The following GBE1 variants were observed in gnomAD, a reference collection of about 807,000 sequenced individuals.
The protein encoded by GBE1 is 1,4-alpha-glucan-branching enzyme.
A neutral mutation model predicts 88.8 loss-of-function variants in GBE1; 70 were observed. The observed-to-expected ratio is 0.79, with a 90% CI of 0.65 to 0.96. GBE1 has a LOEUF of 0.96. GBE1 is among the 40% of genes least tolerant of loss of function. The pLI is 0.00. For synonymous variants in GBE1, 284 were observed against 300.1 expected, an observed-to-expected ratio of 0.95 and a Z score of 0.56; for missense variants, 872 against 871.0, an observed-to-expected ratio of 1.00 and a Z score of -0.01.
intron 3 of GBE1, among the ~76,000 whole-genome samples, chr3:81,657,134 C>CAAAAAAAAAAAAAA (rs796897811): frequency 1.2e-5 from 1 of 81,850 alleles, no homozygotes; most frequent in African/African-American, 4.1e-5. Flanking sequence ...CCAGCCGTCT[C>CAAAAAAAAAAAAAA]AAAAAAAAAA....
chr3:81,711,209 C>T (rs1304356388), intron 1 of GBE1, among the ~76,000 whole-genome samples: 1 of 152,086 alleles, frequency 6.6e-6, no homozygotes, highest in African/African-American at 2.4e-5. Context: ...TCTGAGCAGG[C>T]CAGAAACCCA....
intron 2 of GBE1, among the ~76,000 whole-genome samples, chr3:81,686,292 A>T (rs1370859227): frequency 6.6e-6 from 1 of 152,146 alleles, no homozygotes; most frequent in Non-Finnish European, 1.5e-5. Flanking sequence ...ATCTACTACA[A>T]CATCTACTAC....
chr3:81,581,265 T>C lies in GBE1; in HGVS notation c.1346A>G (p.Glu449Gly). The C allele has an allele frequency of 1.9e-6, 3 of 1,567,812 alleles. No individual in the cohort carries two copies. Among genetic ancestry groups the C allele is most frequent in the Non-Finnish European group, 2.6e-6 (3 of 1,153,782 alleles). The change falls in exon 11 of 16, where the codon GAG becomes GGG. Residue 449 changes from glutamate (E) to glycine (G), a missense_variant. Glu to Gly is a moderately conservative substitution (Grantham distance 98, BLOSUM62 -2). Coordinates refer to ENST00000429644, the MANE Select transcript of GBE1 (RefSeq NM_000158.4). ...CATGTTCCAGTCTTCATCTTTAAAC[T>C]CTTTAAGTAGCTAGACACAAGAGAG... is the stretch of plus-strand genomic sequence containing the variant. ...IPDKWIQLLKEFKDEDWNMGD... is the reference protein window; with the variant it reads ...IPDKWIQLLKGFKDEDWNMGD...
At chr3:81,682,904 T>C (rs185851919) in intron 2 of GBE1, among the ~76,000 whole-genome samples, 1 of 152,336 alleles carries the variant, frequency 6.6e-6, no homozygotes, top group East Asian at 1.9e-4. Context: ...GAATGAAGTA[T>C]TATTTGGTCA....
chr3:81,750,657 A>ATATG (rs1553696639), intron 1 of GBE1, among the ~76,000 whole-genome samples: 2 of 45,940 alleles, frequency 4.4e-5, no homozygotes, highest in South Asian at 5.2e-4. Context: ...ATATATATAT[A>ATATG]TGTATATATA....
intron 12 of GBE1, among the ~76,000 whole-genome samples, chr3:81,548,232 GT>G (rs1186628703): frequency 6.6e-6 from 1 of 151,472 alleles, no homozygotes; most frequent in African/African-American, 2.4e-5. Context: ...AATTGTAAAG[GT>G]TATAAAAATT....
At chr3:81,665,713 G>A (rs1435994178) in intron 3 of GBE1, among the ~76,000 whole-genome samples, 1 of 152,064 alleles carries the variant, frequency 6.6e-6, no homozygotes, top group Non-Finnish European at 1.5e-5. Context: ...TTACAAAGGA[G>A]TACACAGAAA....
intron 7 of GBE1, among the ~76,000 whole-genome samples, chr3:81,608,389 T>C (rs950317278): frequency 6.6e-6 from 1 of 152,216 alleles, no homozygotes; most frequent in African/African-American, 2.4e-5. Context: ...AAATTCTGAA[T>C]GTTATTACTT....
intron 3 of GBE1, among the ~76,000 whole-genome samples, chr3:81,650,717 C>A (rs1170268564): frequency 5.3e-5 from 8 of 152,092 alleles, no homozygotes; most frequent in Non-Finnish European, 1.2e-4. Context: ...CCAGGTGGAG[C>A]ACAGTGGTGC....
chr3:81,629,101 A>T (rs1356333079), intron 7 of GBE1, among the ~76,000 whole-genome samples: 4 of 142,806 alleles, frequency 2.8e-5, no homozygotes, highest in Non-Finnish European at 6.0e-5. Flanking sequence ...ATATGTATAC[A>T]TGTGCCATGC....
At chr3:81,607,871 A>G (rs1704124656) in intron 7 of GBE1, among the ~76,000 whole-genome samples, 1 of 152,146 alleles carries the variant, frequency 6.6e-6, no homozygotes, top group African/African-American at 2.4e-5. Flanking sequence ...TAGAATTTTT[A>G]TCATTTATTA....
chr3:81,498,922 T>TA (rs1702549557), intron 15 of GBE1, among the ~76,000 whole-genome samples, 188 bp downstream of exon 15: 1 of 152,154 alleles, frequency 6.6e-6, no homozygotes, highest in Non-Finnish European at 1.5e-5. Context: ...CCTTTACTAT[T>TA]AGTTTTTCCA....
At chr3:81,657,534 A>G (rs1343222732) in intron 3 of GBE1, among the ~76,000 whole-genome samples, 1 of 152,160 alleles carries the variant, frequency 6.6e-6, no homozygotes, top group Non-Finnish European at 1.5e-5. Flanking sequence ...AGATCACTAA[A>G]ATTAAACAGA....
intron 12 of GBE1, among the ~76,000 whole-genome samples, chr3:81,541,871 C>T (rs1029002704): frequency 6.6e-5 from 10 of 151,952 alleles, no homozygotes; most frequent in African/African-American, 1.9e-4. Context: ...GAAGCATATA[C>T]GATACATAGT....
At chr3:81,627,111 G>A (rs1704428402) in intron 7 of GBE1, among the ~76,000 whole-genome samples, 1 of 152,106 alleles carries the variant, frequency 6.6e-6, no homozygotes, top group South Asian at 2.1e-4. Flanking sequence ...GGGTATAAAA[G>A]GATCTAAACT....
At chr3:81,647,509 G>C (rs1576184062) in intron 5 of GBE1, among the ~76,000 whole-genome samples, 1 of 152,054 alleles carries the variant, frequency 6.6e-6, no homozygotes, top group African/African-American at 2.4e-5. Flanking sequence ...CAAATGATCA[G>C]AAGAAAAAGT....
intron 1 of GBE1, among the ~76,000 whole-genome samples, chr3:81,737,181 T>A (rs1304216343): frequency 2.7e-5 from 4 of 150,172 alleles, no homozygotes; most frequent in Admixed American, 6.7e-5. Flanking sequence ...TCTCCACGTG[T>A]AAATCAGAAG....
chr3:81,649,936 A>G lies in GBE1; in HGVS notation c.430-15T>C, dbSNP rs1020404214. 6 of 1,595,156 alleles carry G rather than the reference A, an allele frequency of 3.8e-6. No individual in the cohort carries two copies. In the Admixed American group the frequency reaches 6.7e-5, roughly 18 times the overall value. On this transcript the variant is annotated splice_polypyrimidine_tract_variant and intron_variant, in intron 3 of 15. Coordinates refer to ENST00000429644, the MANE Select transcript of GBE1 (RefSeq NM_000158.4). ...GTAATAACTACCTAAAAAGAGAATG[A>G]CATGTTATTGCTTTAAAATACATCC...
In GBE1 at chr3:81,749,807, C is replaced by T. The variant is rs111893138; in HGVS notation, c.143+11568G>A. 3.2e-3 allele frequency among the ~76,000 whole-genome samples: 493 copies of T among 152,144 alleles called. 2 individuals are homozygous for T. The highest frequency in any genetic ancestry group is 0.011 in the African/African-American group (447 of 41,518). On this transcript the variant is annotated intron_variant, in intron 1 of 15. Transcript: ENST00000429644. ...TATTTCAGAATGATTTTTTTTAATA[C>T]GGTCTAACACAATTTACAATTGTCT... is the stretch of plus-strand genomic sequence containing the variant.
Sources: gnomAD v4.1 joint callset for allele counts (sites outside exome capture counted in the v4.1 genomes callset) on GRCh38, gnomAD v4.1.1 for gene constraint, MANE v1.5 for transcripts, NCBI Gene and HGNC (gene_info 2026-07-23, HGNC 2026-07-21) for gene names.